Variants in TENM3 observed in about 807,000 individuals in gnomAD.
The protein encoded by TENM3 is teneurin-3.
TENM3 carries 63 observed loss-of-function variants against 255.1 expected under a neutral mutation model. The observed-to-expected ratio is 0.25, with a 90% CI of 0.20 to 0.30. The LOEUF (loss-of-function observed/expected upper bound fraction) is 0.30. TENM3 is among the 10% of genes least tolerant of loss of function. The probability of loss-of-function intolerance (pLI) is 1.00; values close to 1 mark genes in which losing one functional copy is unlikely to be tolerated. For missense variants in TENM3, 2,929 were observed against 3,461.1 expected (o/e 0.85, Z 3.86); for synonymous variants, 1,306 against 1,322.3 (o/e 0.99, Z 0.27).
intron 1 of TENM3, among the ~76,000 whole-genome samples, chr4:182,256,748 G>T (rs1410319918): frequency 1.3e-5 from 2 of 151,962 alleles, no homozygotes; most frequent in Non-Finnish European, 2.9e-5. Context: ...TGATATTCTT[G>T]TTACTATATA....
chr4:181,956,805 T>A, the TENM3 span, among the ~76,000 whole-genome samples: 2 of 152,212 alleles, frequency 1.3e-5, no homozygotes, highest in African/African-American at 2.4e-5. Context: ...TTAATAGTAC[T>A]GCAGATGTGT....
chr4:182,665,400 C>T (rs1334885046), intron 6 of TENM3, among the ~76,000 whole-genome samples: 1 of 152,188 alleles, frequency 6.6e-6, no homozygotes, highest in Non-Finnish European at 1.5e-5. Context: ...CCCCCAAGAG[C>T]TCTGATGGAG....
intron 3 of TENM3, among the ~76,000 whole-genome samples, chr4:182,591,221 A>G (rs1746609343): frequency 6.6e-6 from 1 of 152,174 alleles, no homozygotes; most frequent in Admixed American, 6.5e-5. Flanking sequence ...TCTGAAATAG[A>G]AAGTACAGTA....
the TENM3 span, among the ~76,000 whole-genome samples, chr4:181,869,663 A>C: frequency 6.6e-6 from 1 of 152,140 alleles, no homozygotes; most frequent in Admixed American, 6.5e-5. Context: ...TTTTGAAACC[A>C]AGACTTTGAG....
chr4:182,515,031 A>G (rs111879187), intron 3 of TENM3, among the ~76,000 whole-genome samples: 19 of 152,326 alleles, frequency 1.2e-4, no homozygotes, highest in Admixed American at 3.3e-4. Flanking sequence ...AGCAGTGTCA[A>G]ATGCCAATAA....
chr4:181,800,527 G>C, the TENM3 span, among the ~76,000 whole-genome samples: 1 of 152,180 alleles, frequency 6.6e-6, no homozygotes, highest in African/African-American at 2.4e-5. Flanking sequence ...CAGCTACTCA[G>C]GAGGCTGAGG....
At chr4:181,605,542 GAAAGAAAGAAAGAAAGAAAGAA>G in the TENM3 span, among the ~76,000 whole-genome samples, 73 of 25,836 alleles carry the variant, frequency 2.8e-3, 11 homozygotes, top group Middle Eastern at 0.05. Flanking sequence ...AAGAAAGAAA[GAAAGAAAGAAAGAAAGAAAGAA>G]AGAAAGAGAG....
chr4:182,050,464 T>G, the TENM3 span, among the ~76,000 whole-genome samples: 4 of 152,022 alleles, frequency 2.6e-5, no homozygotes, highest in African/African-American at 9.7e-5. Context: ...TGACATGCTG[T>G]GAAAATTAAG....
chr4:181,513,139 GGT>G, the TENM3 span, among the ~76,000 whole-genome samples: 1 of 151,736 alleles, frequency 6.6e-6, no homozygotes, highest in Non-Finnish European at 1.5e-5. Flanking sequence ...CTTTTTTTGT[GGT>G]GTTATTTATA....
chr4:182,699,379 A>G (rs1466420791), intron 12 of TENM3, among the ~76,000 whole-genome samples: 3 of 152,178 alleles, frequency 2.0e-5, no homozygotes, highest in African/African-American at 7.2e-5. Context: ...GGCAAACCCG[A>G]TTCCTTCCTT....
chr4:181,623,896 G>A, the TENM3 span, among the ~76,000 whole-genome samples: 1 of 152,170 alleles, frequency 6.6e-6, no homozygotes, highest in Admixed American at 6.5e-5. Context: ...TCTTAATATT[G>A]ATGTGCTATT....
Position 182,679,703 on chromosome 4 carries a change from T to C in TENM3, c.1364T>C (p.Ile455Thr). 14 of 1,613,286 alleles carry C rather than the reference T, an allele frequency of 8.7e-6. No individual in the cohort carries two copies. Among genetic ancestry groups the C allele is most frequent in the Non-Finnish European group, 1.2e-5 (14 of 1,179,866 alleles). ...GAGCTCCTGGATGGCAGCAGGCTGA[T>C]TGCCAGAGAGCAGCGGAGCCTGCTT... ...FVELLDGSRL[I>T]AREQRSLLET... The change falls in exon 8 of 28, where the codon ATT (isoleucine) becomes ACT (threonine). Residue 455 changes from isoleucine (I) to threonine (T), a missense_variant. This residue lies in a region of TENM3 where 1,608 missense variants were observed against 1,884.4 expected (regional missense o/e 0.85). Coordinates refer to ENST00000511685, the MANE Select transcript of TENM3 (RefSeq NM_001080477.4).
chr4:182,541,613 A>G (rs951285088), intron 3 of TENM3, among the ~76,000 whole-genome samples: 2 of 152,338 alleles, frequency 1.3e-5, no homozygotes, highest in Admixed American at 1.3e-4. Context: ...AACGAAGAGT[A>G]AGCTGTGTTT....
the TENM3 span, among the ~76,000 whole-genome samples, chr4:181,601,358 T>C: frequency 6.6e-6 from 1 of 152,094 alleles, no homozygotes; most frequent in Non-Finnish European, 1.5e-5. Flanking sequence ...CTTAAACAAA[T>C]TGAAATTTAT....
chr4:181,682,084 C>T, the TENM3 span, among the ~76,000 whole-genome samples: 906 of 152,258 alleles, frequency 6.0e-3, 9 homozygotes, highest in Non-Finnish European at 9.9e-3. Flanking sequence ...TGCGAATCAT[C>T]AGACACTTAA....
the TENM3 span, among the ~76,000 whole-genome samples, chr4:181,489,816 C>T: frequency 6.6e-6 from 1 of 152,154 alleles, no homozygotes; most frequent in East Asian, 1.9e-4. Flanking sequence ...ACATAGCTTG[C>T]AATTTAGTAA....
chr4:182,160,007 C>T (rs1029370519), intron 1 of TENM3, among the ~76,000 whole-genome samples: 3 of 151,538 alleles, frequency 2.0e-5, no homozygotes, highest in African/African-American at 7.3e-5. Flanking sequence ...AAGTATATTC[C>T]GGTTCTTTTT....
At chr4:181,604,970 C>A in the TENM3 span, among the ~76,000 whole-genome samples, 3 of 152,090 alleles carry the variant, frequency 2.0e-5, no homozygotes, top group Non-Finnish European at 2.9e-5. Flanking sequence ...TGTGTTATTG[C>A]GCAAAGTGTT....
chr4:182,297,375 T>C (rs1761562172), intron 1 of TENM3, among the ~76,000 whole-genome samples: 1 of 152,230 alleles, frequency 6.6e-6, no homozygotes, highest in African/African-American at 2.4e-5. Context: ...TCAGATAATA[T>C]GGATAAGTTC....
Sources: gnomAD v4.1 joint callset for allele counts (sites outside exome capture counted in the v4.1 genomes callset) on GRCh38, gnomAD v4.1.1 for gene constraint, gnomAD v4.1.1 regional missense constraint, MANE v1.5 for transcripts, NCBI Gene and HGNC (gene_info 2026-07-23, HGNC 2026-07-21) for gene names.